PTPRK: variants seen among roughly 807,000 people sequenced by gnomAD.
PTPRK encodes the protein protein tyrosine phosphatase receptor type K.
PTPRK carries 75 observed loss-of-function variants against 178.0 expected under a neutral mutation model. That is an observed-to-expected ratio of 0.42 (90% CI 0.35 to 0.51). The LOEUF is 0.51. Among genes scored for constraint, PTPRK ranks in the 20% least tolerant of loss-of-function variants. The probability of loss-of-function intolerance (pLI) is 0.02; values close to 1 mark genes in which losing one functional copy is unlikely to be tolerated. For missense variants in PTPRK, 1,441 were observed against 1,797.8 expected, an observed-to-expected ratio of 0.80 and a Z score of 3.59; for synonymous variants, 637 against 620.6, an observed-to-expected ratio of 1.03 and a Z score of -0.39.
chr6:128,345,834 GAGATA>G (rs1268816907), intron 2 of PTPRK, among the ~76,000 whole-genome samples: 2 of 152,246 alleles, frequency 1.3e-5, no homozygotes, highest in East Asian at 3.9e-4. Flanking sequence ...CAAAGGCTGT[GAGATA>G]ATGAATCTAA....
chr6:128,298,582 T>C (rs1381730139), intron 3 of PTPRK, among the ~76,000 whole-genome samples: 59 of 151,672 alleles, frequency 3.9e-4, no homozygotes, highest in Middle Eastern at 3.4e-3. Context: ...AATCAATAAA[T>C]GTAATCCAGC....
intron 21 of PTPRK, among the ~76,000 whole-genome samples, chr6:127,987,481 G>C (rs183298359): frequency 3.3e-5 from 5 of 151,808 alleles, no homozygotes; most frequent in African/African-American, 1.2e-4. Context: ...TTGGCACTTT[G>C]TATTTTTAAA....
chr6:128,061,166 T>C (rs1780735044), intron 13 of PTPRK, among the ~76,000 whole-genome samples: 1 of 152,170 alleles, frequency 6.6e-6, no homozygotes, highest in Admixed American at 6.5e-5. Context: ...TACTAACATG[T>C]AACAATGAAC....
chr6:128,182,914 T>A (rs1054298033), intron 7 of PTPRK, among the ~76,000 whole-genome samples: 6 of 151,750 alleles, frequency 4.0e-5, no homozygotes, highest in Non-Finnish European at 8.8e-5. Context: ...TTGACGAAAA[T>A]AAAAAAATAA....
chr6:128,514,370 A>ATG (rs146438569), intron 1 of PTPRK, among the ~76,000 whole-genome samples: 22,740 of 148,276 alleles, frequency 0.15, 1,762 homozygotes, highest in African/African-American at 0.19. Context: ...CATTGTTAAG[A>ATG]TGTGTGTGTG....
At chr6:128,463,313 C>T (rs78570542) in intron 1 of PTPRK, among the ~76,000 whole-genome samples, 64 of 152,214 alleles carry the variant, frequency 4.2e-4, no homozygotes, top group African/African-American at 1.3e-3. Flanking sequence ...TCTCTTACAA[C>T]AGTTAAAATT....
intron 6 of PTPRK, among the ~76,000 whole-genome samples, chr6:128,216,705 A>T (rs1476442373): frequency 6.6e-6 from 1 of 152,156 alleles, no homozygotes; most frequent in Non-Finnish European, 1.5e-5. Context: ...AAAATAATAA[A>T]ATCTACTTAT....
At chr6:128,511,425 A>T (rs1857172149) in intron 1 of PTPRK, among the ~76,000 whole-genome samples, 1 of 152,210 alleles carries the variant, frequency 6.6e-6, no homozygotes, top group Non-Finnish European at 1.5e-5. Context: ...GGATTCAAGC[A>T]CTGTAAACCT....
chr6:128,105,548 T>G (rs1789583061), intron 7 of PTPRK, among the ~76,000 whole-genome samples: 1 of 152,180 alleles, frequency 6.6e-6, no homozygotes, highest in African/African-American at 2.4e-5. Flanking sequence ...GCTTTGAGCA[T>G]AAAATATCAA....
intron 8 of PTPRK, among the ~76,000 whole-genome samples, chr6:128,086,017 T>C (rs1785743949): frequency 6.6e-6 from 1 of 152,212 alleles, no homozygotes; most frequent in South Asian, 2.1e-4. Flanking sequence ...GTGTAAATAC[T>C]ATATGAAGTT....
intron 3 of PTPRK, among the ~76,000 whole-genome samples, chr6:128,288,478 T>A (rs1348355255): frequency 2.6e-5 from 4 of 152,120 alleles, no homozygotes; most frequent in African/African-American, 9.7e-5. Flanking sequence ...TGCTGAAGAA[T>A]CCTAGAATTT....
intron 13 of PTPRK, among the ~76,000 whole-genome samples, chr6:128,025,028 T>C (rs1774081313): frequency 6.6e-6 from 1 of 152,238 alleles, no homozygotes; most frequent in African/African-American, 2.4e-5. Flanking sequence ...TATTTTGCAG[T>C]ACAACAAGTT....
intron 2 of PTPRK, among the ~76,000 whole-genome samples, chr6:128,350,599 G>A (rs1403943129): frequency 6.6e-6 from 1 of 152,156 alleles, no homozygotes; most frequent in East Asian, 1.9e-4. Context: ...GACATGCACA[G>A]TGCTTTGTAA....
At chr6:128,301,878 T>C (rs1825668380) in intron 3 of PTPRK, among the ~76,000 whole-genome samples, 1 of 152,184 alleles carries the variant, frequency 6.6e-6, no homozygotes, top group Non-Finnish European at 1.5e-5. Flanking sequence ...ATCTCAGGGA[T>C]TTATGTTCTG....
intron 2 of PTPRK, among the ~76,000 whole-genome samples, chr6:128,348,914 T>C (rs1317882935): frequency 1.3e-5 from 2 of 152,086 alleles, no homozygotes; most frequent in African/African-American, 4.8e-5. Flanking sequence ...AATGACTGTG[T>C]CCTTATTAAA....
At chr6:128,176,393 A>G (rs553623026) in intron 7 of PTPRK, among the ~76,000 whole-genome samples, 17 of 151,938 alleles carry the variant, frequency 1.1e-4, no homozygotes, top group Non-Finnish European at 2.4e-4. Context: ...TAGCCAAAGA[A>G]TGAAAGATGA....
chr6:128,389,897 T>C (rs577355019), intron 2 of PTPRK, among the ~76,000 whole-genome samples: 26 of 152,234 alleles, frequency 1.7e-4, no homozygotes, highest in Non-Finnish European at 3.4e-4. Flanking sequence ...GTTGCATTTA[T>C]GTCTGCGAGG....
chr6:128,152,033 T>G (rs1011035741), intron 7 of PTPRK, among the ~76,000 whole-genome samples: 1 of 151,900 alleles, frequency 6.6e-6, no homozygotes, highest in African/African-American at 2.4e-5. Context: ...CACCAAAGAT[T>G]AAGGAGACCT....
chr6:128,447,068 G>A (rs929043600), intron 1 of PTPRK, among the ~76,000 whole-genome samples: 3 of 152,104 alleles, frequency 2.0e-5, no homozygotes, highest in Non-Finnish European at 2.9e-5. Context: ...TTTGCACATG[G>A]TGAGGGGGTA....
Sources: gnomAD v4.1 joint callset for allele counts (sites outside exome capture counted in the v4.1 genomes callset) on GRCh38, gnomAD v4.1.1 for gene constraint, MANE v1.5 for transcripts, NCBI Gene and HGNC (gene_info 2026-07-23, HGNC 2026-07-21) for gene names.